SLAIN2: variants seen among roughly 807,000 people sequenced by gnomAD.
SLAIN2 encodes the protein SLAIN family member 2.
In SLAIN2, 31 loss-of-function variants were observed where a neutral mutation model predicts 56.6. The observed-to-expected ratio is 0.55, with a 90% CI of 0.41 to 0.74. The LOEUF (loss-of-function observed/expected upper bound fraction) is 0.74, where lower values mean the gene tolerates loss of function less well. Ranked by LOEUF, SLAIN2 falls within the 30% of genes least tolerant of loss-of-function variation. SLAIN2 has a pLI of 0.00. For synonymous variants in SLAIN2, 317 were observed against 284.9 expected, an observed-to-expected ratio of 1.11 and a Z score of -1.13; for missense variants, 777 against 754.2, an observed-to-expected ratio of 1.03 and a Z score of -0.35.
intron 6 of SLAIN2, chr4:48,394,652 A>G (rs1388286757): frequency 2.0e-6 from 3 of 1,535,604 alleles, no homozygotes; most frequent in Non-Finnish European, 2.6e-6. Context: ...CTACAAAAAG[A>G]GGTAACTACA....
At chr4:48,407,986 A>T (rs1716744369) in intron 6 of SLAIN2, among the ~76,000 whole-genome samples, 1 of 152,154 alleles carries the variant, frequency 6.6e-6, no homozygotes, top group Non-Finnish European at 1.5e-5. Flanking sequence ...TACTTAGCAT[A>T]ATGTTTTCTA....
At chr4:48,411,986 T>G (rs1716858762) in intron 6 of SLAIN2, among the ~76,000 whole-genome samples, 1 of 151,026 alleles carries the variant, frequency 6.6e-6, no homozygotes, top group African/African-American at 2.4e-5. Context: ...TCCTAGTTGC[T>G]CTGTATGTTT....
At chr4:48,404,890 A>G (rs1716653675) in intron 6 of SLAIN2, among the ~76,000 whole-genome samples, 2 of 152,174 alleles carry the variant, frequency 1.3e-5, no homozygotes, top group Admixed American at 1.3e-4. Context: ...TGCTGCCGTG[A>G]AACATTTTTT....
rs1471857574 is a variant in SLAIN2 at position 48,422,363 on chromosome 4, A to G, written c.*286A>G. The G allele has an allele frequency of 2.1e-5, 6 of 287,424 alleles. No individual in the cohort carries two copies. The highest frequency in any genetic ancestry group is 3.9e-5 in the Non-Finnish European group (6 of 153,088). 17.8% of individuals were successfully genotyped at this position (287,424 alleles called of 1,614,324 possible). A position where few individuals can be genotyped will look rare whatever the true frequency, so the allele number is the denominator to read the frequency against. On this transcript the variant is annotated 3_prime_UTR_variant, in exon 8 of 8. Coordinates refer to ENST00000264313, the MANE Select transcript of SLAIN2 (RefSeq NM_020846.2). Reference sequence around the variant, plus strand: ...TTTAAAAAATATTTGACAGAGGCCAATATCTGGGCAAATACCTAATGGATG... The same window carrying G: ...TTTAAAAAATATTTGACAGAGGCCAGTATCTGGGCAAATACCTAATGGATG...
chr4:48,392,247 G>T (rs1716252866), intron 6 of SLAIN2, among the ~76,000 whole-genome samples: 1 of 152,078 alleles, frequency 6.6e-6, no homozygotes, highest in African/African-American at 2.4e-5. Flanking sequence ...AGAGTTTACT[G>T]CCTGATTCTG....
chr4:48,391,435 AGTT>A (rs2109769723), intron 6 of SLAIN2, among the ~76,000 whole-genome samples: 1 of 152,344 alleles, frequency 6.6e-6, no homozygotes, highest in Non-Finnish European at 1.5e-5. Flanking sequence ...AAAACTCAAC[AGTT>A]GTTTATAGCT....
intron 1 of SLAIN2, among the ~76,000 whole-genome samples, chr4:48,364,882 G>A (rs1293982903): frequency 1.4e-5 from 2 of 139,776 alleles, no homozygotes; most frequent in Non-Finnish European, 3.1e-5. Context: ...GAGGGAGGGG[G>A]AGGGGGAGGG....
chr4:48,362,135 C>T (rs1715342325), intron 1 of SLAIN2, among the ~76,000 whole-genome samples: 1 of 151,020 alleles, frequency 6.6e-6, no homozygotes, highest in African/African-American at 2.4e-5. Context: ...AATCAGGATG[C>T]CTTTAGTTTT....
chr4:48,412,117 A>T (rs1162833298), intron 6 of SLAIN2, among the ~76,000 whole-genome samples: 1 of 152,020 alleles, frequency 6.6e-6, no homozygotes, highest in Non-Finnish European at 1.5e-5. Flanking sequence ...CTCACTAGAC[A>T]CTCTAAGGTT....
At position 48,417,765 on chromosome 4, in the gene SLAIN2, A is replaced by G. The variant is rs538102628; in HGVS notation, c.1361-2360A>G. Among the ~76,000 whole-genome samples, 8 of 148,988 alleles carry G rather than the reference A, an allele frequency of 5.4e-5. No individual in the cohort carries two copies. In the Admixed American group the frequency reaches 5.4e-4, roughly 10 times the overall value. ...AGACAAAAACCACATGATTATCTCAATAGATGCAGAAAAAGCCTTTGACAA... is the reference window on the plus strand; with the variant it reads ...AGACAAAAACCACATGATTATCTCAGTAGATGCAGAAAAAGCCTTTGACAA... On this transcript the variant is annotated intron_variant, in intron 6 of 7. Transcript: ENST00000264313.
chr4:48,405,272 C>T (rs571013029), intron 6 of SLAIN2, among the ~76,000 whole-genome samples: 245 of 152,300 alleles, frequency 1.6e-3, no homozygotes, highest in African/African-American at 4.4e-3. Flanking sequence ...TGACCCCTCC[C>T]CAAAAAGTAT....
In SLAIN2 at chr4:48,402,154, G is replaced by A. The variant is rs1349259075; in HGVS notation, c.1361-17971G>A. 2.6e-5 allele frequency among the ~76,000 whole-genome samples: 4 copies of A among 151,698 alleles called. No homozygotes were observed. The East Asian group carries it at 7.7e-4, about 29-fold the overall frequency. On this transcript the variant is annotated intron_variant, in intron 6 of 7. Transcript: ENST00000264313. ...TGAGAGGTCCTCTGTTAGTCTGATG[G>A]GCTTTCCTTTGTAGGTGACCTGGCC...
intron 1 of SLAIN2, among the ~76,000 whole-genome samples, chr4:48,356,359 T>G (rs1052615732): frequency 6.6e-6 from 1 of 152,230 alleles, no homozygotes; most frequent in Non-Finnish European, 1.5e-5. Context: ...TAGTAATTGC[T>G]ATCTATATAT....
intron 6 of SLAIN2, among the ~76,000 whole-genome samples, chr4:48,386,018 G>T (rs1716089994): frequency 6.7e-6 from 1 of 149,806 alleles, no homozygotes; most frequent in South Asian, 2.1e-4. Context: ...TGAGGTGGGA[G>T]GATTGCTTGA....
Position 48,425,394 on chromosome 4 carries a change from G to T in SLAIN2, c.*3317G>T, listed in dbSNP as rs1189298834. The T allele has an allele frequency of 6.6e-6, 1 of 152,024 alleles. No individual in the cohort carries two copies. Among genetic ancestry groups the T allele is most frequent in the Non-Finnish European group, 1.5e-5 (1 of 67,978 alleles). 9.4% of individuals were successfully genotyped at this position (152,024 alleles called of 1,614,324 possible). On this transcript the variant is annotated 3_prime_UTR_variant, in exon 8 of 8. Transcript: ENST00000264313. ...AAAAAGCTATTATGAGTTTCCAAGA[G>T]GGACAATTAATGCATTTTCATACCA...
intron 7 of SLAIN2, among the ~76,000 whole-genome samples, chr4:48,421,295 TTTTG>T (rs1259543008): frequency 2.0e-5 from 3 of 152,120 alleles, no homozygotes; most frequent in Non-Finnish European, 2.9e-5. Context: ...TTGCTGGTTT[TTTTG>T]TTTGTTTGTT....
In SLAIN2 at chr4:48,341,775, G is replaced by T. The variant is rs1171997214; in HGVS notation, c.36G>T (p.Gln12His). The change falls in exon 1 of 8, where the codon CAG becomes CAT. Residue 12 changes from glutamine (Q) to histidine (H), a missense_variant. Transcript: ENST00000264313. ...TTAACTCCAACGTGAACGCGGACCA[G>T]GAGGTGCGGAAGCTGCAGGAGCTGG... is the stretch of plus-strand genomic sequence containing the variant. The part of the protein sequence containing the change: ...EDVNSNVNAD[Q>H]EVRKLQELVK... 2.0e-6 allele frequency: 3 copies of T among 1,530,816 alleles called. No individual in the cohort carries two copies. Among genetic ancestry groups the T allele is most frequent in the Non-Finnish European group, 2.6e-6 (3 of 1,138,848 alleles). 94.8% of individuals were successfully genotyped at this position (1,530,816 alleles called of 1,614,324 possible). A position where few individuals can be genotyped will look rare whatever the true frequency, so the allele number is the denominator to read the frequency against.
intron 1 of SLAIN2, among the ~76,000 whole-genome samples, chr4:48,346,487 G>A (rs1056653365): frequency 6.6e-6 from 1 of 152,142 alleles, no homozygotes; most frequent in African/African-American, 2.4e-5. Context: ...GAGCTAGGTA[G>A]GTAATGTGGT....
intron 6 of SLAIN2, among the ~76,000 whole-genome samples, chr4:48,413,741 T>C (rs192487250): frequency 1.3e-5 from 2 of 152,334 alleles, no homozygotes; most frequent in Admixed American, 1.3e-4. Flanking sequence ...ACTATATACT[T>C]ACTGGGCATT....
Sources: allele counts gnomAD v4.1 joint callset (sites outside exome capture counted in the v4.1 genomes callset), GRCh38; gene constraint gnomAD v4.1.1; transcripts MANE v1.5; gene names NCBI Gene and HGNC (gene_info 2026-07-23, HGNC 2026-07-21).